The following LIPA variants were observed in gnomAD, a reference collection of about 807,000 sequenced individuals.
The protein encoded by LIPA is lysosomal acid lipase/cholesteryl ester hydrolase.
Under a neutral mutation model 40.6 loss-of-function variants are expected in LIPA, and 26 were observed. The observed-to-expected ratio is 0.64, with a 90% confidence interval of 0.47 to 0.89. LIPA has a LOEUF of 0.89. Among genes scored for constraint, LIPA ranks in the 40% least tolerant of loss-of-function variants. The pLI is 0.00. For synonymous variants in LIPA, 188 were observed against 168.4 expected (o/e 1.12, Z -0.90); for missense variants, 455 against 479.6 (o/e 0.95, Z 0.48).
In LIPA at chr10:89,382,214, T is replaced by C. The variant is rs1374729477; in HGVS notation, c.61+30577A>G. ...ATTGTTTTTGCTATACATTGCCATA[T>C]AGAGAGTAAGAGAAAATTTCATAAT... On this transcript the variant is annotated intron_variant, in intron 2 of 8. Transcript: ENST00000371837. Among the ~76,000 whole-genome samples the C allele has an allele frequency of 2.0e-5, 3 of 152,332 alleles. No homozygotes were observed. The East Asian group carries it at 5.8e-4, about 29-fold the overall frequency.
Position 89,339,247 on chromosome 10 carries a change from C to T in LIPA, c.-2+3364G>A, listed in dbSNP as rs766537327. Reference sequence around the variant, plus strand: ...ACAGTTCTCTACTGATGTTTTGAAGCAGGCCATTGAGCTGAGTCCTGATAA... The same window carrying T: ...ACAGTTCTCTACTGATGTTTTGAAGTAGGCCATTGAGCTGAGTCCTGATAA... On this transcript the variant is annotated intron_variant, in intron 1 of 5. Coordinates refer to the LIPA transcript ENST00000282673. The T allele has an allele frequency of 2.5e-5, 40 of 1,614,056 alleles. 1 individual carries two copies. In the East Asian group the frequency reaches 3.3e-4, roughly 13 times the overall value.
chr10:89,259,211 T>C (rs1478146548), intron 1 of LIPA, among the ~76,000 whole-genome samples: 1 of 152,232 alleles, frequency 6.6e-6, no homozygotes, highest in East Asian at 1.9e-4. Context: ...TTTTTTTAAC[T>C]TTATAAAATG....
At chr10:89,411,657 G>A (rs2133644980) in intron 2 of LIPA, among the ~76,000 whole-genome samples, 1 of 152,280 alleles carries the variant, frequency 6.6e-6, no homozygotes, top group South Asian at 2.1e-4. Flanking sequence ...ATCCCAAACA[G>A]ACTCTTTGGC....
chr10:89,391,078 C>T (rs1794513214), intron 2 of LIPA, among the ~76,000 whole-genome samples: 1 of 152,186 alleles, frequency 6.6e-6, no homozygotes, highest in Admixed American at 6.5e-5. Flanking sequence ...GGGAGTTGAG[C>T]AGAAACTGTT....
At chr10:89,406,897 C>T (rs959379533) in intron 2 of LIPA, among the ~76,000 whole-genome samples, 3 of 152,156 alleles carry the variant, frequency 2.0e-5, no homozygotes, top group African/African-American at 7.2e-5. Flanking sequence ...TGAGTACCAT[C>T]GGACCCCTTT....
intron 2 of LIPA, among the ~76,000 whole-genome samples, chr10:89,363,655 T>C (rs990334238): frequency 6.6e-6 from 1 of 151,844 alleles, no homozygotes; most frequent in Non-Finnish European, 1.5e-5. Context: ...CAGGCACCTG[T>C]TGTCCCAGCT....
rs1842605542 is a variant in LIPA, at chr10:89,215,016, C to T, written c.1012G>A (p.Ala338Thr). Reference protein sequence around the residue: ...YNVKDMLVPTAVWSGGHDWLA... With the variant: ...YNVKDMLVPTTVWSGGHDWLA... ...CAGTCGTGACCCCCGCTCCAGACTG[C>T]AGTCGGCACAAGCATGTCCTTCACA... Residue 338 changes from alanine to threonine, a missense_variant, in exon 10 of 10, where the codon GCA becomes ACA. Transcript: ENST00000336233. 6.2e-7 allele frequency: 1 copy of T among 1,614,104 alleles called. No individual in the cohort carries two copies. The highest frequency in any genetic ancestry group is 8.5e-7 in the Non-Finnish European group (1 of 1,179,948).
intron 1 of LIPA, among the ~76,000 whole-genome samples, chr10:89,275,375 A>G (rs892593106): frequency 2.0e-5 from 3 of 152,150 alleles, no homozygotes; most frequent in Non-Finnish European, 4.4e-5. Context: ...CTTCTCCTGC[A>G]GGAGGGGTTA....
chr10:89,384,346 G>A (rs765455431), intron 2 of LIPA: 32 of 1,614,046 alleles, frequency 2.0e-5, no homozygotes, highest in Non-Finnish European at 2.6e-5. Context: ...GGCCTATGTT[G>A]ACCTGGCTGA....
At chr10:89,393,419 A>T in intron 2 of LIPA, 1 of 693,144 alleles carries the variant, frequency 1.4e-6, no homozygotes, top group South Asian at 1.9e-5. Context: ...CTAATGTGGG[A>T]ATTTCTCAGC....
chr10:89,236,495 T>C (rs1278755678), intron 3 of LIPA, among the ~76,000 whole-genome samples: 5 of 152,314 alleles, frequency 3.3e-5, no homozygotes, highest in Middle Eastern at 3.4e-3. Context: ...AATAACACCA[T>C]TGGACCCATA....
intron 2 of LIPA, chr10:89,384,474 C>T: frequency 1.9e-6 from 3 of 1,614,104 alleles, no homozygotes; most frequent in Non-Finnish European, 2.5e-6. Flanking sequence ...ACGGCCGTTT[C>T]CAAGAACATC....
At chr10:89,220,483 G>C (rs578009364) in intron 8 of LIPA, among the ~76,000 whole-genome samples, 10 of 152,276 alleles carry the variant, frequency 6.6e-5, no homozygotes, top group African/African-American at 2.4e-4. Flanking sequence ...GAAAAGCAGA[G>C]ACCTGAACCA....
At chr10:89,276,888 G>A (rs1843291886) in intron 1 of LIPA, among the ~76,000 whole-genome samples, 1 of 152,056 alleles carries the variant, frequency 6.6e-6, no homozygotes, top group Non-Finnish European at 1.5e-5. Context: ...ACTAAATAAT[G>A]GCTAGAGGAG....
chr10:89,336,704 T>C (rs1843746053), intron 1 of LIPA, among the ~76,000 whole-genome samples: 1 of 152,252 alleles, frequency 6.6e-6, no homozygotes, highest in Admixed American at 6.5e-5. Flanking sequence ...TCAGAATAGA[T>C]GGTTGGTATC....
intron 2 of LIPA, among the ~76,000 whole-genome samples, chr10:89,409,127 A>T (rs1841448600): frequency 6.6e-6 from 1 of 152,204 alleles, no homozygotes; most frequent in South Asian, 2.1e-4. Flanking sequence ...GGGTCAATTG[A>T]TTCTAAAATA....
intron 1 of LIPA, among the ~76,000 whole-genome samples, chr10:89,268,093 A>G (rs1249736705): frequency 6.6e-6 from 1 of 152,242 alleles, no homozygotes; most frequent in African/African-American, 2.4e-5. Flanking sequence ...AATACTCAAT[A>G]CTACATGGGA....
intron 2 of LIPA, chr10:89,392,728 C>A: frequency 1.9e-6 from 3 of 1,613,866 alleles, no homozygotes; most frequent in Non-Finnish European, 2.5e-6. Flanking sequence ...GTAAGGATTT[C>A]TTTGCTCCTC....
chr10:89,374,963 C>T (rs1458805042), intron 2 of LIPA, among the ~76,000 whole-genome samples: 1 of 152,214 alleles, frequency 6.6e-6, no homozygotes, highest in Non-Finnish European at 1.5e-5. Flanking sequence ...CCTATCTCAG[C>T]AGCTGCACAG....
Sources: allele counts gnomAD v4.1 joint callset (sites outside exome capture counted in the v4.1 genomes callset), GRCh38; gene constraint gnomAD v4.1.1; transcripts MANE v1.5; gene names NCBI Gene and HGNC (gene_info 2026-07-23, HGNC 2026-07-21).